The following SOS2 variants were observed in gnomAD, a reference collection of about 807,000 sequenced individuals.
The protein encoded by SOS2 is son of sevenless homolog 2.
Under a neutral mutation model 148.2 loss-of-function variants are expected in SOS2, and 65 were observed. The observed-to-expected ratio is 0.44, with a 90% CI of 0.36 to 0.54. The LOEUF (loss-of-function observed/expected upper bound fraction) is 0.54. Ranked by LOEUF, SOS2 falls within the 20% of genes least tolerant of loss-of-function variation. The pLI is 0.00. For missense variants in SOS2, 1,341 were observed against 1,590.2 expected (o/e 0.84, Z 2.67); for synonymous variants, 539 against 537.1 (o/e 1.00, Z -0.05).
In SOS2 at chr14:50,130,725, A is replaced by T; in HGVS notation, c.3113T>A (p.Ile1038Lys). 6.2e-7 allele frequency: 1 copy of T among 1,606,040 alleles called. No individual in the cohort carries two copies. Among genetic ancestry groups the T allele is most frequent in the East Asian group, 2.2e-5 (1 of 44,824 alleles). ...KSTFSLKSPG[I>K]RPNTGRHGST... ...GCCATGTCGGCCTGTGTTAGGCCTT[A>T]TTCCAGGAGATTTTAAGGAAAAAGT... Residue 1038 changes from isoleucine to lysine, a missense_variant, in exon 20 of 23, where the codon ATA (isoleucine) becomes AAA (lysine). Coordinates refer to ENST00000216373, the MANE Select transcript of SOS2 (RefSeq NM_006939.4).
At chr14:50,143,502 A>G (rs1371384745) in intron 16 of SOS2, among the ~76,000 whole-genome samples, 1 of 152,040 alleles carries the variant, frequency 6.6e-6, no homozygotes, top group Non-Finnish European at 1.5e-5. Context: ...CAGTGGGGCA[A>G]TCTTGGCTCA....
At chr14:50,229,878 T>G (rs572059605) in intron 1 of SOS2, among the ~76,000 whole-genome samples, 59 of 152,342 alleles carry the variant, frequency 3.9e-4, no homozygotes, top group Non-Finnish European at 7.5e-4. Flanking sequence ...CCCCTTTGCT[T>G]TTAATTCAGG....
intron 6 of SOS2, among the ~76,000 whole-genome samples, chr14:50,181,715 T>C (rs1230993103): frequency 6.6e-6 from 1 of 152,098 alleles, no homozygotes; most frequent in Non-Finnish European, 1.5e-5. Flanking sequence ...CAAACACACA[T>C]ACATTCGTAT....
At chr14:50,202,325 T>C (rs532242177) in intron 2 of SOS2, among the ~76,000 whole-genome samples, 2 of 152,224 alleles carry the variant, frequency 1.3e-5, no homozygotes, top group Admixed American at 1.3e-4. Flanking sequence ...ACTACTGAGA[T>C]CTGAATTAAA....
intron 4 of SOS2, among the ~76,000 whole-genome samples, chr14:50,190,656 C>A (rs969543565): frequency 5.9e-5 from 9 of 152,216 alleles, no homozygotes; most frequent in African/African-American, 2.2e-4. Flanking sequence ...AAAAATGATA[C>A]TGGATTTCAT....
chr14:50,143,729 T>C lies in SOS2; in HGVS notation c.2667+1441A>G, dbSNP rs537715133. ...AGTGCTAGGATTACAGGTGAGCCAC[T>C]GAGCCCAGCCTCACTAGTTATTTTT... On this transcript the variant is annotated intron_variant, in intron 16 of 22. Transcript: ENST00000216373. Among the ~76,000 whole-genome samples, 4 of 152,120 alleles carry C rather than the reference T, an allele frequency of 2.6e-5. No individual in the cohort carries two copies. In the South Asian group the frequency reaches 8.3e-4, roughly 32 times the overall value.
rs2139513281 is a variant in SOS2, at chr14:50,130,761, G to A, written c.3077C>T (p.Pro1026Leu). 6.3e-7 allele frequency: 1 copy of A among 1,593,740 alleles called. No homozygotes were observed. The highest frequency in any genetic ancestry group is 8.5e-7 in the Non-Finnish European group (1 of 1,171,550). The change falls in exon 20 of 23, where the codon CCT (proline) becomes CTT (leucine). Residue 1026 changes from proline to leucine, a missense_variant and splice_region_variant. By Grantham distance (98) the Pro-to-Leu change is moderately conservative (BLOSUM62 -3). Transcript: ENST00000216373. Reference protein sequence around the residue: ...PRNCKQPPRFPRKSTFSLKSP... With the variant: ...PRNCKQPPRFLRKSTFSLKSP... ...TTTTAAGGAAAAAGTTGATTTCCTA[G>A]GCTGAGAAAAGCAAACATAATTAAT...
At chr14:50,132,644 G>C (rs1594960166) in intron 19 of SOS2, among the ~76,000 whole-genome samples, 1 of 152,110 alleles carries the variant, frequency 6.6e-6, no homozygotes, top group Non-Finnish European at 1.5e-5. Context: ...CTGGGTGACA[G>C]AGCGAGACTC....
At chr14:50,133,976 C>A in intron 19 of SOS2, 147 bp downstream of exon 19, 1 of 632,128 alleles carries the variant, frequency 1.6e-6, no homozygotes, top group Non-Finnish European at 2.8e-6. Context: ...GACATTTCCC[C>A]CCCCAGTTTT....
chr14:50,199,651 T>C, intron 4 of SOS2, 40 bp downstream of exon 4: 5 of 1,227,144 alleles, frequency 4.1e-6, no homozygotes, highest in South Asian at 2.9e-5. Context: ...ATTAGTATAG[T>C]TGCTATTCAA....
chr14:50,133,883 GTAT>G (rs928740390), intron 19 of SOS2, among the ~76,000 whole-genome samples: 3 of 151,274 alleles, frequency 2.0e-5, no homozygotes, highest in African/African-American at 7.3e-5. Flanking sequence ...ACACCTTTTT[GTAT>G]TATTCTAGGA....
rs144562135 is a variant in SOS2 at position 50,176,736 on chromosome 14, G to C, written c.970-2184C>G. The stretch of plus-strand genomic sequence containing the variant: ...ACACAACCATTAACTGGGGCTGGGC[G>C]TGATGGCTCACGCCTGTAATCCCAG... On this transcript the variant is annotated intron_variant, in intron 7 of 22. Coordinates refer to ENST00000216373, the MANE Select transcript of SOS2 (RefSeq NM_006939.4). Among the ~76,000 whole-genome samples the C allele has an allele frequency of 8.7e-3, 1,332 of 152,338 alleles. 10 individuals are homozygous for C. Among genetic ancestry groups the C allele is most frequent in the Middle Eastern group, 0.044 (13 of 294 alleles).
At chr14:50,196,134 G>C (rs1005019949) in intron 4 of SOS2, among the ~76,000 whole-genome samples, 8 of 152,316 alleles carry the variant, frequency 5.3e-5, no homozygotes, top group African/African-American at 1.9e-4. Context: ...AGTAGAATGT[G>C]GTTACCAGAG....
chr14:50,168,177 C>T (rs1885227302), intron 8 of SOS2, among the ~76,000 whole-genome samples: 1 of 151,962 alleles, frequency 6.6e-6, no homozygotes, highest in Non-Finnish European at 1.5e-5. Context: ...TTGAATAAAC[C>T]AGTTCTAAAA....
In SOS2 at chr14:50,153,676, G is replaced by A. The variant is rs534053991; in HGVS notation, c.2058-503C>T. 5.9e-5 allele frequency among the ~76,000 whole-genome samples: 9 copies of A among 152,134 alleles called. No homozygotes were observed. The East Asian group carries it at 1.7e-3, about 29-fold the overall frequency. ...TGCCCAGGCTGGAGTGCAATGGTGC[G>A]ATCTCAGCTCACTACAACCTCCAAC... is the stretch of plus-strand genomic sequence containing the variant. On this transcript the variant is annotated intron_variant, in intron 12 of 22. Transcript: ENST00000216373.
At chr14:50,189,330 G>GAAAAAAAAAAAAAAAAAAAAAA (rs1566472509) in intron 4 of SOS2, among the ~76,000 whole-genome samples, 2 of 3,600 alleles carry the variant, frequency 5.6e-4, no homozygotes, top group Non-Finnish European at 1.5e-3. Flanking sequence ...ACACATAATA[G>GAAAAAAAAAAAAAAAAAAAAAA]CAAAAAAAAA....
intron 8 of SOS2, among the ~76,000 whole-genome samples, chr14:50,168,039 C>G (rs1594987390): frequency 6.6e-6 from 1 of 152,142 alleles, no homozygotes; most frequent in East Asian, 1.9e-4. Context: ...GAAGTTATTA[C>G]TAAGTTTTCC....
intron 13 of SOS2, among the ~76,000 whole-genome samples, chr14:50,151,456 C>T (rs1175051489): frequency 2.0e-5 from 3 of 152,176 alleles, no homozygotes. Flanking sequence ...TAGTACCCAT[C>T]CAGTCATGAT....
Position 50,118,769 on chromosome 14 carries a change from G to C in SOS2, c.3574C>G (p.Pro1192Ala), listed in dbSNP as rs748928047. ...AGAGGCCCATCAAATGCACCAGTAGGAACAGGAACTCTGGGTTTTACCTTT... is the reference window on the plus strand; with the variant it reads ...AGAGGCCCATCAAATGCACCAGTAGCAACAGGAACTCTGGGTTTTACCTTT... Reference protein sequence around the residue: ...PPKVKPRVPVPTGAFDGPLHS... With the variant: ...PPKVKPRVPVATGAFDGPLHS... Residue 1192 changes from proline to alanine, a missense_variant, in exon 23 of 23, where the codon CCT becomes GCT. This residue lies in a region of SOS2 where 354 missense variants were observed against 347.7 expected (regional missense o/e 1.02). Transcript: ENST00000216373. The C allele has an allele frequency of 1.9e-6, 3 of 1,606,848 alleles. No homozygotes were observed. Among genetic ancestry groups the C allele is most frequent in the Non-Finnish European group, 1.7e-6 (2 of 1,175,598 alleles).
Sources: allele counts gnomAD v4.1 joint callset (sites outside exome capture counted in the v4.1 genomes callset), GRCh38; gene constraint gnomAD v4.1.1; regional missense constraint gnomAD v4.1.1; transcripts MANE v1.5; gene names NCBI Gene and HGNC (gene_info 2026-07-23, HGNC 2026-07-21).